ASIC2: variants seen among roughly 807,000 people sequenced by gnomAD.
ASIC2 encodes acid-sensing ion channel 2.
In ASIC2, 25 loss-of-function variants were observed where a neutral mutation model predicts 57.3. The ratio of observed to expected loss-of-function variants is 0.44; its 90% CI spans 0.32 to 0.61. The LOEUF is 0.61. ASIC2 is among the 20% of genes least tolerant of loss of function. The probability of loss-of-function intolerance (pLI) is 0.06; values close to 1 mark genes in which losing one functional copy is unlikely to be tolerated. For missense variants in ASIC2, 641 were observed against 738.1 expected, an observed-to-expected ratio of 0.87 and a Z score of 1.52; for synonymous variants, 319 against 307.5, an observed-to-expected ratio of 1.04 and a Z score of -0.39.
intron 1 of ASIC2, among the ~76,000 whole-genome samples, chr17:33,307,145 T>G (rs1281394697): frequency 6.6e-6 from 1 of 152,172 alleles, no homozygotes. Context: ...TTTCCCAACT[T>G]AAATCCACAT....
At chr17:34,048,958 G>A (rs1433775288) in intron 1 of ASIC2, among the ~76,000 whole-genome samples, 1 of 152,134 alleles carries the variant, frequency 6.6e-6, no homozygotes, top group Non-Finnish European at 1.5e-5. Context: ...CTCCTGATGG[G>A]TATATCATGT....
chr17:33,655,827 A>C (rs921828838), intron 1 of ASIC2, among the ~76,000 whole-genome samples: 1 of 152,218 alleles, frequency 6.6e-6, no homozygotes, highest in Non-Finnish European at 1.5e-5. Context: ...TGTAGAAAAA[A>C]ATCTTAATGA....
At chr17:33,592,304 G>A (rs1454513041) in intron 1 of ASIC2, among the ~76,000 whole-genome samples, 1 of 152,228 alleles carries the variant, frequency 6.6e-6, no homozygotes, top group African/African-American at 2.4e-5. Context: ...AAGATCATCT[G>A]TCCGATGGTT....
At chr17:33,783,783 T>C (rs934425550) in intron 1 of ASIC2, among the ~76,000 whole-genome samples, 1 of 152,258 alleles carries the variant, frequency 6.6e-6, no homozygotes, top group Admixed American at 6.5e-5. Flanking sequence ...ACTCCAGTTG[T>C]AATTTTTGGC....
chr17:33,802,370 G>A (rs1034741739), intron 1 of ASIC2, among the ~76,000 whole-genome samples: 6 of 152,126 alleles, frequency 3.9e-5, no homozygotes, highest in Non-Finnish European at 7.4e-5. Flanking sequence ...TGATGAAATC[G>A]CCCAATGATA....
intron 1 of ASIC2, chr17:33,834,496 T>C (rs1430313838): frequency 6.6e-6 from 1 of 152,240 alleles, no homozygotes; most frequent in African/African-American, 2.4e-5. Context: ...CAGATACCAG[T>C]TAACCACAGT....
chr17:33,176,893 C>T (rs906206452), intron 1 of ASIC2, among the ~76,000 whole-genome samples: 1 of 152,152 alleles, frequency 6.6e-6, no homozygotes, highest in African/African-American at 2.4e-5. Flanking sequence ...CAGCCAGGCT[C>T]TTCCAGAAGG....
Position 33,678,750 on chromosome 17 carries a change from T to C in ASIC2, c.555+477228A>G, listed in dbSNP as rs1416949838. ...TACCAGGTGCACAGGAGCAGCTGCA[T>C]CCAGCTGGAACCTCAGAGCAAATGA... On this transcript the variant is annotated intron_variant, in intron 1 of 9. Coordinates refer to the ASIC2 transcript ENST00000359872. 2.0e-5 allele frequency among the ~76,000 whole-genome samples: 3 copies of C among 152,098 alleles called. No individual in the cohort carries two copies. In the East Asian group the frequency reaches 5.8e-4, roughly 29 times the overall value.
chr17:33,554,840 C>G lies in ASIC2; in HGVS notation c.556-442773G>C, dbSNP rs961259997. Among the ~76,000 whole-genome samples the G allele has an allele frequency of 1.2e-4, 18 of 152,226 alleles. No individual in the cohort carries two copies. In the Middle Eastern group the frequency reaches 0.014, roughly 115 times the overall value. On this transcript the variant is annotated intron_variant, in intron 1 of 9. Transcript: ENST00000359872. ...TATCTTTCCTTACTGAGAAGTGACT[C>G]TCAGTGAGACTTTTAAGACTGAAAC...
rs528117326 is a variant in ASIC2 at position 33,509,828 on chromosome 17, A to G, written c.556-397761T>C. Among the ~76,000 whole-genome samples the G allele has an allele frequency of 1.6e-4, 25 of 152,364 alleles. No individual in the cohort carries two copies. The East Asian group carries it at 4.4e-3, about 27-fold the overall frequency. ...TTAAGGAACTGGTGAAAGCAAGGCT[A>G]GACTGGGAGCCAGGAGGCCTGGGTT... On this transcript the variant is annotated intron_variant, in intron 1 of 9. Transcript: ENST00000359872.
chr17:33,427,914 T>C (rs1911274625), intron 1 of ASIC2, among the ~76,000 whole-genome samples: 1 of 152,264 alleles, frequency 6.6e-6, no homozygotes, highest in Non-Finnish European at 1.5e-5. Flanking sequence ...TCTGTCTTTC[T>C]GTCTCTTTCT....
intron 1 of ASIC2, among the ~76,000 whole-genome samples, chr17:34,131,666 G>A (rs555495449): frequency 1.3e-5 from 2 of 152,354 alleles, no homozygotes; most frequent in East Asian, 1.9e-4. Flanking sequence ...AAATGCTCTA[G>A]AGATATTTCA....
At chr17:33,818,270 A>G (rs1912646409) in intron 1 of ASIC2, among the ~76,000 whole-genome samples, 1 of 152,322 alleles carries the variant, frequency 6.6e-6, no homozygotes, top group East Asian at 1.9e-4. Flanking sequence ...TGTAAAACAG[A>G]TTTATTTTGG....
At chr17:33,414,880 T>A (rs1474965579) in intron 1 of ASIC2, among the ~76,000 whole-genome samples, 1 of 152,218 alleles carries the variant, frequency 6.6e-6, no homozygotes, top group Non-Finnish European at 1.5e-5. Flanking sequence ...CGCTTCTCCA[T>A]GGCTCCTCTT....
At chr17:34,039,896 C>T in intron 1 of ASIC2, 1 of 1,572,464 alleles carries the variant, frequency 6.4e-7, no homozygotes, top group Non-Finnish European at 8.7e-7. Flanking sequence ...GCCGCCGCTG[C>T]CGCTCCACGC....
chr17:33,889,543 A>C (rs1452841412), intron 1 of ASIC2, among the ~76,000 whole-genome samples: 3 of 149,856 alleles, frequency 2.0e-5, no homozygotes, highest in East Asian at 1.9e-4. Flanking sequence ...ATGGAAAACA[A>C]TTCTCTCAGT....
At chr17:33,097,123 C>G (rs1341122276) in intron 2 of ASIC2, among the ~76,000 whole-genome samples, 1 of 152,226 alleles carries the variant, frequency 6.6e-6, no homozygotes, top group East Asian at 1.9e-4. Flanking sequence ...CATGTGGCCT[C>G]GCTCAAATAC....
chr17:34,076,091 C>T (rs1205168755), intron 1 of ASIC2, among the ~76,000 whole-genome samples: 1 of 152,030 alleles, frequency 6.6e-6, no homozygotes, highest in Non-Finnish European at 1.5e-5. Flanking sequence ...CAAGCTCCGC[C>T]TCCCGGGTTC....
intron 1 of ASIC2, among the ~76,000 whole-genome samples, chr17:34,130,175 A>G (rs1024292277): frequency 6.6e-6 from 1 of 152,234 alleles, no homozygotes. Flanking sequence ...GCTCTGACTG[A>G]GCCTGTCACA....
Sources: gnomAD v4.1 joint callset for allele counts (sites outside exome capture counted in the v4.1 genomes callset) on GRCh38, gnomAD v4.1.1 for gene constraint, MANE v1.5 for transcripts, NCBI Gene and HGNC (gene_info 2026-07-23, HGNC 2026-07-21) for gene names.